ISM2: variants seen among roughly 807,000 people sequenced by gnomAD.
The protein encoded by ISM2 is isthmin 2, also known as isthmin-2.
A neutral mutation model predicts 58.0 loss-of-function variants in ISM2; 50 were observed. The observed-to-expected ratio is 0.86, with a 90% confidence interval of 0.69 to 1.09. ISM2 has a LOEUF of 1.09. Among genes scored for constraint, ISM2 ranks in the 50% least tolerant of loss-of-function variants. The probability of loss-of-function intolerance (pLI) is 0.00; values close to 1 mark genes in which losing one functional copy is unlikely to be tolerated. For synonymous variants in ISM2, 303 were observed against 312.4 expected (o/e 0.97, Z 0.32); for missense variants, 723 against 745.0 (o/e 0.97, Z 0.34).
chr14:77,488,947 T>G (rs1283930210), intron 1 of ISM2, among the ~76,000 whole-genome samples: 1 of 152,226 alleles, frequency 6.6e-6, no homozygotes, highest in Non-Finnish European at 1.5e-5. Flanking sequence ...TGGAGTTGCA[T>G]GCATGTACAA....
intron 4 of ISM2, among the ~76,000 whole-genome samples, chr14:77,479,407 G>A (rs1358931025): frequency 7.8e-6 from 1 of 128,792 alleles, no homozygotes; most frequent in East Asian, 2.2e-4. Flanking sequence ...TTTTTCAGAT[G>A]GAGTCTTGCT....
chr14:77,498,729 TC>T lies in ISM2; in HGVS notation c.64del (p.Glu22ArgfsTer4). 6.7e-7 allele frequency: 1 copy of T among 1,482,074 alleles called. No individual in the cohort carries two copies. Among genetic ancestry groups the T allele is most frequent in the Non-Finnish European group, 8.9e-7 (1 of 1,124,884 alleles). 91.8% of individuals were successfully genotyped at this position (1,482,074 alleles called of 1,614,324 possible). A position where few individuals can be genotyped will look rare whatever the true frequency, so the allele number is the denominator to read the frequency against. On this transcript the variant is annotated frameshift_variant, in exon 1 of 7. Transcript: ENST00000342219. LOFTEE classifies it high-confidence loss of function. ...LCVLLLAALL[E>X]AALGLPVKKP... ...CTTCACGGGGAGCCCTAGCGCCGCC[TC>T]CAGCAGCGCCGCCAGCAGCAGCACG...
rs1241925634 is a variant in ISM2 at position 77,475,878 on chromosome 14, G to A, written c.1433C>T (p.Ser478Phe). Residue 478 changes from serine to phenylalanine, a missense_variant, in exon 7 of 7, where the codon TCC becomes TTC. By Grantham distance (155) the Ser-to-Phe change is radical. Coordinates refer to ENST00000342219, the MANE Select transcript of ISM2 (RefSeq NM_199296.3). This position sits in a 1 kb window ranked among gnomAD's most constrained non-coding sequence, Gnocchi z 4.1. ...YQPTARFCLR[S>F]MLSGESSTLA... ...TGTGCTGCTCTCCCCAGACAGCATG[G>A]AACGCAGGCAGAAGCGCGCCGTGGG... 1 of 1,606,828 alleles carries A rather than the reference G, an allele frequency of 6.2e-7. No individual in the cohort carries two copies. The highest frequency in any genetic ancestry group is 1.3e-5 in the African/African-American group (1 of 75,058).
chr14:77,491,435 C>T (rs2079203225), intron 1 of ISM2, among the ~76,000 whole-genome samples: 1 of 152,248 alleles, frequency 6.6e-6, no homozygotes, highest in Admixed American at 6.5e-5. Flanking sequence ...GCAGCTTAGG[C>T]TGGAGTGCAG....
rs575071293 is a variant in ISM2 at position 77,482,658 on chromosome 14, T to A, written c.637A>T (p.Lys213Ter). 6.5e-6 allele frequency: 10 copies of A among 1,545,204 alleles called. No homozygotes were observed. The South Asian group carries it at 1.1e-4, about 18-fold the overall frequency. The change falls in exon 4 of 7, where the codon AAG (lysine) becomes TAG (stop). Residue 213 changes from lysine to a stop codon, truncating the protein, a stop_gained. Coordinates refer to ENST00000342219, the MANE Select transcript of ISM2 (RefSeq NM_199296.3). LOFTEE classifies it high-confidence loss of function. ...TPNPDNQVTIKVVEDPQAEVS... is the reference protein window; with the variant it reads ...TPNPDNQVTI Reference sequence around the variant, plus strand: ...TCGGCCTGGGGGTCCTCCACCACCTTGATGGTCACCTGCAGGAGACAGGCC... The same window carrying A: ...TCGGCCTGGGGGTCCTCCACCACCTAGATGGTCACCTGCAGGAGACAGGCC...
intron 1 of ISM2, chr14:77,498,286 C>T (rs1185760820): frequency 7.5e-7 from 1 of 1,326,852 alleles, no homozygotes; most frequent in African/African-American, 1.5e-5. Context: ...TTCCTCGCAC[C>T]GGCGGGACTC....
chr14:77,476,267 G>C (rs529909276), intron 6 of ISM2, among the ~76,000 whole-genome samples, 155 bp from the exon 7 acceptor site: 237 of 152,338 alleles, frequency 1.6e-3, no homozygotes, highest in African/African-American at 5.5e-3. Context: ...ATGGAGAGAG[G>C]CTACCCCACA....
intron 1 of ISM2, among the ~76,000 whole-genome samples, chr14:77,489,898 C>T (rs945460231): frequency 6.6e-6 from 1 of 152,242 alleles, no homozygotes; most frequent in Admixed American, 6.5e-5. Context: ...GAGTCTTGCT[C>T]TGTCGCCCAG....
intron 1 of ISM2, among the ~76,000 whole-genome samples, chr14:77,497,299 C>T (rs1198930836): frequency 7.1e-6 from 1 of 140,326 alleles, no homozygotes; most frequent in Non-Finnish European, 1.5e-5. Flanking sequence ...ACTCGGGTGG[C>T]AGAAGTTGCA....
At chr14:77,495,928 G>T (rs1262683041) in intron 1 of ISM2, among the ~76,000 whole-genome samples, 1 of 152,100 alleles carries the variant, frequency 6.6e-6, no homozygotes, top group Non-Finnish European at 1.5e-5. Flanking sequence ...AATGTCATGG[G>T]GAGGTCGGGC....
rs190064854 is a variant in ISM2 at position 77,478,609 on chromosome 14, G to T, written c.1080C>A (p.Thr360=). Residue 360 remains threonine, a synonymous_variant, in exon 5 of 7, where the codon ACC becomes ACA. Coordinates refer to ENST00000342219, the MANE Select transcript of ISM2 (RefSeq NM_199296.3). The part of the protein sequence containing the change: ...TRPCGYGCTA[T]ETRTCDLPSC... Reference sequence around the variant, plus strand: ...AGGGCAGGTCACAGGTACGGGTCTCGGTGGCAGTGCAGCCATAGCCACAGG... The same window carrying T: ...AGGGCAGGTCACAGGTACGGGTCTCTGTGGCAGTGCAGCCATAGCCACAGG... 6 of 1,613,756 alleles carry T rather than the reference G, an allele frequency of 3.7e-6. No homozygotes were observed. Among genetic ancestry groups the T allele is most frequent in the Non-Finnish European group, 5.1e-6 (6 of 1,179,796 alleles).
At chr14:77,482,705 CT>C in intron 3 of ISM2, 38 bp from the exon 4 acceptor site, 1 of 1,293,908 alleles carries the variant, frequency 7.7e-7, no homozygotes, top group Non-Finnish European at 1.1e-6. Flanking sequence ...TGAAGGAGGT[CT>C]TAGAGCTGCA....
rs2079089039 is a variant in ISM2, at chr14:77,475,252, G to A, written c.*343C>T. 1 of 190,728 alleles carries A rather than the reference G, an allele frequency of 5.2e-6. No individual in the cohort carries two copies. Among genetic ancestry groups the A allele is most frequent in the South Asian group, 1.8e-4 (1 of 5,534 alleles). 11.8% of individuals were successfully genotyped at this position (190,728 alleles called of 1,614,324 possible). ...AGCTGCTGGCTAACACTTATGTGCA[G>A]AGCCAGGGCAGAAGAGCCCAGCTCC... is the stretch of plus-strand genomic sequence containing the variant. On this transcript the variant is annotated 3_prime_UTR_variant, in exon 7 of 7. Transcript: ENST00000342219. The surrounding 1 kb of genome is among the most constrained non-coding windows in gnomAD (Gnocchi z 4.1).
At chr14:77,478,132 G>A in intron 6 of ISM2, 110 bp downstream of exon 6, 2 of 863,670 alleles carry the variant, frequency 2.3e-6, no homozygotes. Flanking sequence ...TGGAAGCTGT[G>A]CTCTCTGCCT....
intron 1 of ISM2, among the ~76,000 whole-genome samples, chr14:77,493,416 C>T (rs2079218871): frequency 6.6e-6 from 1 of 152,098 alleles, no homozygotes; most frequent in Non-Finnish European, 1.5e-5. Flanking sequence ...CAGCAACAGG[C>T]CTGCCCAGAG....
At chr14:77,477,876 C>G (rs2079107553) in intron 6 of ISM2, among the ~76,000 whole-genome samples, 1 of 152,230 alleles carries the variant, frequency 6.6e-6, no homozygotes, top group African/African-American at 2.4e-5. Context: ...CCATTTCTGA[C>G]TGCACTGCAT....
intron 1 of ISM2, among the ~76,000 whole-genome samples, chr14:77,488,977 T>TGG (rs1337581050): frequency 6.6e-6 from 1 of 152,158 alleles, no homozygotes; most frequent in African/African-American, 2.4e-5. Flanking sequence ...GCCATTCTTT[T>TGG]GGGGGGTGGT....
chr14:77,481,552 C>G (rs1416552709), intron 4 of ISM2, among the ~76,000 whole-genome samples: 3 of 152,140 alleles, frequency 2.0e-5, no homozygotes, highest in Non-Finnish European at 4.4e-5. Context: ...ATACCATTCC[C>G]CATTCTATAG....
At position 77,475,822 on chromosome 14, in the gene ISM2, C is replaced by T; in HGVS notation, c.1489G>A (p.Asp497Asn). The change falls in exon 7 of 7, where the codon GAC becomes AAC. Residue 497 changes from aspartate (D) to asparagine (N), a missense_variant. By Grantham distance (23) the Asp-to-Asn change is conservative. Coordinates refer to ENST00000342219, the MANE Select transcript of ISM2 (RefSeq NM_199296.3). This position sits in a 1 kb window ranked among gnomAD's most constrained non-coding sequence, Gnocchi z 4.1. The stretch of plus-strand genomic sequence containing the variant: ...TTGCCACGGGTCAGCAGCCGGCTGT[C>T]CTCGTCATAGCAGCAGTGCTGGGCG... ...LAAQHCCYDE[D>N]SRLLTRGKGA... The T allele has an allele frequency of 6.2e-7, 1 of 1,612,560 alleles. No homozygotes were observed. Among genetic ancestry groups the T allele is most frequent in the South Asian group, 1.1e-5 (1 of 91,028 alleles).
Sources: allele counts gnomAD v4.1 joint callset (sites outside exome capture counted in the v4.1 genomes callset), GRCh38; gene constraint gnomAD v4.1.1; non-coding constraint Gnocchi (gnomAD v3.1); transcripts MANE v1.5; gene names NCBI Gene and HGNC (gene_info 2026-07-23, HGNC 2026-07-21).